Variants in VPS8 observed in about 807,000 individuals in gnomAD.
The protein encoded by VPS8 is VPS8 subunit of CORVET complex, also known as vacuolar protein sorting-associated protein 8 homolog.
A neutral mutation model predicts 216.4 loss-of-function variants in VPS8; 129 were observed. The observed-to-expected ratio is 0.60, with a 90% CI of 0.52 to 0.69. The LOEUF is 0.69. Among genes scored for constraint, VPS8 ranks in the 30% least tolerant of loss-of-function variants. The pLI is 0.00. For missense variants in VPS8, 1,531 were observed against 1,683.5 expected (o/e 0.91, Z 1.59); for synonymous variants, 571 against 565.4 (o/e 1.01, Z -0.14).
intron 46 of VPS8, among the ~76,000 whole-genome samples, chr3:185,047,634 G>T (rs534540393): frequency 6.6e-6 from 1 of 152,128 alleles, no homozygotes; most frequent in African/African-American, 2.4e-5. Flanking sequence ...AAAAGCTAGC[G>T]TATACTGAGC....
chr3:184,815,712 G>C (rs1168887391), intron 1 of VPS8: 1 of 151,946 alleles, frequency 6.6e-6, no homozygotes, highest in African/African-American at 2.4e-5. Flanking sequence ...TGGAATGGAG[G>C]AGAAGCAGTT....
intron 45 of VPS8, among the ~76,000 whole-genome samples, chr3:185,010,220 C>T (rs1754821996): frequency 1.3e-5 from 2 of 152,050 alleles, no homozygotes; most frequent in African/African-American, 4.8e-5. Context: ...AAAGCAAAAA[C>T]CTAAAAAGAT....
intron 46 of VPS8, among the ~76,000 whole-genome samples, chr3:185,029,647 C>A (rs916991861): frequency 6.6e-6 from 1 of 151,930 alleles, no homozygotes; most frequent in East Asian, 1.9e-4. Flanking sequence ...TCACTGCAAC[C>A]TCCGCCTCCC....
chr3:184,945,935 A>G lies in VPS8; in HGVS notation c.3035+5692A>G, dbSNP rs890725161. ...GTAGTGTGGAAAATGGTCCTTACGT[A>G]TTGAGTCTGCCTCAGTGGGGGCCAC... On this transcript the variant is annotated intron_variant, in intron 36 of 47. Transcript: ENST00000625842. Among the ~76,000 whole-genome samples, 177 of 152,310 alleles carry G rather than the reference A, an allele frequency of 1.2e-3. 2 individuals carry two copies. Among genetic ancestry groups the G allele is most frequent in the African/African-American group, 4.1e-3 (170 of 41,574 alleles).
chr3:184,924,763 G>A (rs937024049), intron 29 of VPS8, 99 bp from the exon 30 acceptor site: 21 of 1,409,034 alleles, frequency 1.5e-5, no homozygotes, highest in East Asian at 1.0e-4. Flanking sequence ...CTTTTTACGC[G>A]TCTTCAGTCA....
intron 37 of VPS8, among the ~76,000 whole-genome samples, chr3:184,961,753 T>C (rs1245673763): frequency 6.6e-6 from 1 of 151,672 alleles, no homozygotes; most frequent in Non-Finnish European, 1.5e-5. Context: ...TTTTTGTTTT[T>C]GTTTTTGTTT....
At chr3:185,012,923 G>C (rs1420384244) in intron 45 of VPS8, among the ~76,000 whole-genome samples, 1 of 151,438 alleles carries the variant, frequency 6.6e-6, no homozygotes, top group Non-Finnish European at 1.5e-5. Flanking sequence ...GCAAGCCAGT[G>C]ATAAGTATTG....
chr3:185,041,946 G>GGTTCATGATATAGGGCAAAGAAAAAC, intron 46 of VPS8, among the ~76,000 whole-genome samples: 1 of 152,310 alleles, frequency 6.6e-6, no homozygotes, highest in East Asian at 1.9e-4. Flanking sequence ...TAAAGCAGAA[G>GGTTCATGATATAGGGCAAAGAAAAAC]GGAAGGAGGA....
chr3:185,042,271 A>G (rs1456274878), intron 46 of VPS8, among the ~76,000 whole-genome samples: 3 of 152,180 alleles, frequency 2.0e-5, no homozygotes, highest in Admixed American at 2.0e-4. Context: ...AGCTATTACT[A>G]TTAAATCAGC....
At chr3:184,950,095 A>G (rs924901471) in intron 36 of VPS8, among the ~76,000 whole-genome samples, 1 of 151,396 alleles carries the variant, frequency 6.6e-6, no homozygotes, top group Non-Finnish European at 1.5e-5. Flanking sequence ...TTTAGTAGAG[A>G]TGAGGTTTCA....
At chr3:185,024,280 A>C (rs1357025345) in intron 45 of VPS8, 56 bp from the exon 46 acceptor site, 11 of 1,469,650 alleles carry the variant, frequency 7.5e-6, no homozygotes, top group Non-Finnish European at 1.0e-5. Context: ...AATGTGGGTC[A>C]GACAAAACTA....
At chr3:184,878,881 T>C (rs1341573892) in intron 21 of VPS8, among the ~76,000 whole-genome samples, 2 of 152,238 alleles carry the variant, frequency 1.3e-5, no homozygotes, top group African/African-American at 4.8e-5. Flanking sequence ...TGTGGAGATT[T>C]ATCTGTGTGT....
At chr3:184,854,958 C>T (rs1369592785) in intron 13 of VPS8, among the ~76,000 whole-genome samples, 1 of 152,020 alleles carries the variant, frequency 6.6e-6, no homozygotes, top group Non-Finnish European at 1.5e-5. Flanking sequence ...GTGCAGAAAG[C>T]GTTCCCTATG....
At chr3:184,943,389 T>C (rs1743090809) in intron 36 of VPS8, among the ~76,000 whole-genome samples, 1 of 152,202 alleles carries the variant, frequency 6.6e-6, no homozygotes. Flanking sequence ...TAACTTCTCA[T>C]TACATTTTAG....
chr3:184,957,472 T>G lies in VPS8; in HGVS notation c.3134T>G (p.Ile1045Arg). ...TGTCAGTTCAACCCAACCCAAGTTA[T>G]AGAGACTCTGCAAGTCCTTGAGTGC... ...LLCQFNPTQV[I>R]ETLQVLECYR... Residue 1045 changes from isoleucine to arginine, a missense_variant, in exon 37 of 48, where the codon ATA becomes AGA. Physicochemically the swap from Ile to Arg is moderately conservative, Grantham distance 97. Coordinates refer to ENST00000625842, the MANE Select transcript of VPS8 (RefSeq NM_001009921.3). 6.2e-7 allele frequency: 1 copy of G among 1,612,658 alleles called. No individual in the cohort carries two copies.
rs1370771233 is a variant in VPS8 at position 184,864,423 on chromosome 3, A to G, written c.1395+1356A>G. Among the ~76,000 whole-genome samples the G allele has an allele frequency of 9.2e-5, 14 of 152,318 alleles. No homozygotes were observed. The East Asian group carries it at 2.1e-3, about 23-fold the overall frequency. ...AGAGAGTACTGGAGAAAAGAGCACT[A>G]TGAAAGAGTCCCTCTTGAGTGTTCC... On this transcript the variant is annotated intron_variant, in intron 16 of 47. Coordinates refer to ENST00000625842, the MANE Select transcript of VPS8 (RefSeq NM_001009921.3).
rs781020621 is a variant in VPS8 at position 184,924,841 on chromosome 3, A to G, written c.2455-21A>G. 27 of 1,601,068 alleles carry G rather than the reference A, an allele frequency of 1.7e-5. No homozygotes were observed. In the Admixed American group the frequency reaches 4.0e-4, roughly 24 times the overall value. Reference sequence around the variant, plus strand: ...TCAAACCAAATGGTGTATTGAATAAATGGTCTCCTTTGCTCTTCAGGTTAT... The same window carrying G: ...TCAAACCAAATGGTGTATTGAATAAGTGGTCTCCTTTGCTCTTCAGGTTAT... On this transcript the variant is annotated intron_variant, in intron 29 of 47. Coordinates refer to ENST00000625842, the MANE Select transcript of VPS8 (RefSeq NM_001009921.3).
chr3:184,836,297 C>A (rs1261232994), intron 5 of VPS8: 1 of 456,672 alleles, frequency 2.2e-6, no homozygotes, highest in East Asian at 6.9e-5. Flanking sequence ...TTGAGGATTA[C>A]ATTTCCATGA....
intron 36 of VPS8, among the ~76,000 whole-genome samples, chr3:184,953,893 G>A (rs1358101266): frequency 6.6e-6 from 1 of 152,154 alleles, no homozygotes; most frequent in Non-Finnish European, 1.5e-5. Context: ...GTTTCATTAA[G>A]TTGGTTGGGG....
Sources: gnomAD v4.1 joint callset for allele counts (sites outside exome capture counted in the v4.1 genomes callset) on GRCh38, gnomAD v4.1.1 for gene constraint, MANE v1.5 for transcripts, NCBI Gene and HGNC (gene_info 2026-07-23, HGNC 2026-07-21) for gene names.